SLC7A7: variants seen among roughly 807,000 people sequenced by gnomAD.
The protein encoded by SLC7A7 is Y+L amino acid transporter 1.
SLC7A7 carries 39 observed loss-of-function variants against 47.9 expected under a neutral mutation model. That is an observed-to-expected ratio of 0.81 (90% confidence interval 0.63 to 1.06). SLC7A7 has a LOEUF of 1.06. Among genes scored for constraint, SLC7A7 ranks in the 50% least tolerant of loss-of-function variants. The pLI, the probability that SLC7A7 is intolerant of heterozygous loss-of-function variation, is 0.00. For synonymous variants in SLC7A7, 234 were observed against 242.8 expected (o/e 0.96, Z 0.34); for missense variants, 588 against 632.0 (o/e 0.93, Z 0.75).
intron 2 of SLC7A7, among the ~76,000 whole-genome samples, chr14:22,798,174 G>A (rs1389802560): frequency 6.6e-6 from 1 of 152,144 alleles, no homozygotes; most frequent in East Asian, 1.9e-4. Flanking sequence ...GTGGGCACCT[G>A]TAATCCCAGC....
rs375933584 is a variant in SLC7A7, at chr14:22,780,071, G to C, written c.500-20C>G. On this transcript the variant is annotated intron_variant, in intron 2 of 9. Transcript: ENST00000674313. ...AGAGACCTGAAAGAAAAATAATACTGATTGGTGACTTACCCTTACCACCCT... is the reference window on the plus strand; with the variant it reads ...AGAGACCTGAAAGAAAAATAATACTCATTGGTGACTTACCCTTACCACCCT... 376 of 1,613,560 alleles carry C rather than the reference G, an allele frequency of 2.3e-4. 4 individuals carry two copies. In the South Asian group the frequency reaches 4.0e-3, roughly 17 times the overall value.
Position 22,800,894 on chromosome 14 carries a change from G to A in SLC7A7, c.499+12006C>T, listed in dbSNP as rs563913091. ...GTGGAGGTTGCAGTGAGCCGAGATC[G>A]CGCCACTGCACTCCAACCTGCACAA... On this transcript the variant is annotated intron_variant, in intron 2 of 9. Transcript: ENST00000674313. Among the ~76,000 whole-genome samples the A allele has an allele frequency of 1.5e-4, 23 of 152,032 alleles. No homozygotes were observed. The East Asian group carries it at 3.3e-3, about 22-fold the overall frequency.
chr14:22,787,261 C>T (rs1009746865), intron 2 of SLC7A7, among the ~76,000 whole-genome samples: 5 of 151,886 alleles, frequency 3.3e-5, no homozygotes, highest in Admixed American at 6.6e-5. Context: ...CATAGTGAAA[C>T]CCCGTCTCTA....
chr14:22,801,549 C>T (rs71413961), intron 2 of SLC7A7, among the ~76,000 whole-genome samples: 19,179 of 151,998 alleles, frequency 0.13, 1,376 homozygotes, highest in South Asian at 0.19. Flanking sequence ...TTTGGGAGGC[C>T]GAGGCAGGCG....
At chr14:22,805,651 A>T (rs1255548410) in intron 2 of SLC7A7, among the ~76,000 whole-genome samples, 1 of 152,192 alleles carries the variant, frequency 6.6e-6, no homozygotes, top group Non-Finnish European at 1.5e-5. Flanking sequence ...CAGGAATCAT[A>T]GCTAATGGAT....
Position 22,774,357 on chromosome 14 carries a change from G to C in SLC7A7, c.1242C>G (p.Leu414=), listed in dbSNP as rs2038549460. The change falls in exon 8 of 10, where the codon CTC becomes CTG. Residue 414 remains leucine, a synonymous_variant. Coordinates refer to ENST00000674313, the MANE Select transcript of SLC7A7 (RefSeq NM_003982.4). Reference sequence around the variant, plus strand: ...AGGTAGGATGGAGTTGCCTTACCTTGAGGGGACGAGGTCGATCAGGCTCCT... The same window carrying C: ...AGGTAGGATGGAGTTGCCTTACCTTCAGGGGACGAGGTCGATCAGGCTCCT... ...RWKEPDRPRP[L]KLSVFFPIVF... is the part of the protein sequence containing the mutation. 3 of 1,614,128 alleles carry C rather than the reference G, an allele frequency of 1.9e-6. No homozygotes were observed. Among genetic ancestry groups the C allele is most frequent in the Non-Finnish European group, 2.5e-6 (3 of 1,180,030 alleles).
intron 2 of SLC7A7, among the ~76,000 whole-genome samples, chr14:22,801,826 C>T (rs967202905): frequency 2.0e-5 from 3 of 152,114 alleles, no homozygotes; most frequent in Non-Finnish European, 2.9e-5. Flanking sequence ...ATCCTGACCC[C>T]GGCATGCACC....
chr14:22,784,350 T>A (rs897753930), intron 2 of SLC7A7, among the ~76,000 whole-genome samples: 1 of 152,212 alleles, frequency 6.6e-6, no homozygotes, highest in Non-Finnish European at 1.5e-5. Context: ...CCGGGTGCAG[T>A]GGCTCACGCC....
At chr14:22,800,470 T>C (rs1173374760) in intron 2 of SLC7A7, among the ~76,000 whole-genome samples, 1 of 152,198 alleles carries the variant, frequency 6.6e-6, no homozygotes, top group Admixed American at 6.5e-5. Flanking sequence ...ACCATGCAAC[T>C]TCAGAGACTA....
At chr14:22,805,929 T>G in intron 2 of SLC7A7, among the ~76,000 whole-genome samples, 1 of 151,384 alleles carries the variant, frequency 6.6e-6, no homozygotes, top group South Asian at 2.1e-4. Context: ...GATCACGAGG[T>G]CAGGAGATTG....
At chr14:22,792,897 A>AGAGAGAGAGAGAGAGAGAGAGAG (rs1555323613) in intron 2 of SLC7A7, among the ~76,000 whole-genome samples, 6 of 61,898 alleles carry the variant, frequency 9.7e-5, no homozygotes, top group Non-Finnish European at 2.1e-4. Context: ...GAGAGAGAGA[A>AGAGAGAGAGAGAGAGAGAGAGAG]AGGAAAAGAA....
chr14:22,814,104 T>G (rs1192148443), intron 1 of SLC7A7, among the ~76,000 whole-genome samples: 1 of 151,738 alleles, frequency 6.6e-6, no homozygotes, highest in Non-Finnish European at 1.5e-5. Context: ...ACTTGAATTT[T>G]TAAGAGAAGG....
chr14:22,773,485 G>C lies in SLC7A7; in HGVS notation c.*125C>G, dbSNP rs2038515693. The stretch of plus-strand genomic sequence containing the variant: ...ATTTCAAAAAGTAAGTTCAAAGGTT[G>C]AAGCTGCCTAGGCCAGGCTTCTGGA... On this transcript the variant is annotated 3_prime_UTR_variant, in exon 10 of 10. Coordinates refer to ENST00000674313, the MANE Select transcript of SLC7A7 (RefSeq NM_003982.4). The C allele has an allele frequency of 2.5e-6, 2 of 790,216 alleles. No homozygotes were observed. The highest frequency in any genetic ancestry group is 3.4e-5 in the African/African-American group (2 of 59,304). The allele number at this position is 790,216 out of a possible 1,614,324, so 49.0% of individuals were successfully genotyped here.
intron 2 of SLC7A7, among the ~76,000 whole-genome samples, chr14:22,812,511 C>T (rs1258553731): frequency 6.6e-6 from 1 of 150,786 alleles, no homozygotes; most frequent in Non-Finnish European, 1.5e-5. Flanking sequence ...ATCAGTGTGC[C>T]TGTGGTCCCT....
chr14:22,793,221 A>G (rs1261706287), intron 2 of SLC7A7, among the ~76,000 whole-genome samples: 1 of 152,094 alleles, frequency 6.6e-6, no homozygotes, highest in Non-Finnish European at 1.5e-5. Flanking sequence ...CCAGCCAATT[A>G]AAATAAAAAT....
At chr14:22,815,600 T>G (rs1192674721), upstream of SLC7A7, 1 of 454,118 alleles carries the variant, frequency 2.2e-6, no homozygotes, top group East Asian at 6.9e-5. Context: ...AGCTCTTGGC[T>G]CAGCACTTTC....
chr14:22,774,967 C>A (rs72681911), intron 7 of SLC7A7, among the ~76,000 whole-genome samples: 1 of 152,278 alleles, frequency 6.6e-6, no homozygotes, highest in Non-Finnish European at 1.5e-5. Context: ...TGTATTAAAA[C>A]CCATACTGCT....
chr14:22,790,286 C>T (rs1459800335), intron 2 of SLC7A7, among the ~76,000 whole-genome samples: 3 of 133,078 alleles, frequency 2.3e-5, no homozygotes, highest in Non-Finnish European at 3.1e-5. Flanking sequence ...TCCTTGATTG[C>T]ACCACTGCAT....
chr14:22,798,659 T>C (rs138654887), intron 2 of SLC7A7, among the ~76,000 whole-genome samples: 3 of 152,304 alleles, frequency 2.0e-5, no homozygotes, highest in East Asian at 3.9e-4. Flanking sequence ...CTCCATGCTT[T>C]CAGAATCATT....
Sources: allele counts gnomAD v4.1 joint callset (sites outside exome capture counted in the v4.1 genomes callset), GRCh38; gene constraint gnomAD v4.1.1; transcripts MANE v1.5; gene names NCBI Gene and HGNC (gene_info 2026-07-23, HGNC 2026-07-21).